Variants in GSAP observed in about 807,000 individuals in gnomAD.
The protein encoded by GSAP is gamma-secretase-activating protein.
A neutral mutation model predicts 131.7 loss-of-function variants in GSAP; 118 were observed. That is an observed-to-expected ratio of 0.90 (90% CI 0.77 to 1.04). The LOEUF (loss-of-function observed/expected upper bound fraction) is 1.04, where lower values mean the gene tolerates loss of function less well. GSAP is among the 50% of genes least tolerant of loss of function. The pLI is 0.00. For missense variants in GSAP, 1,019 were observed against 1,013.2 expected, an observed-to-expected ratio of 1.01 and a Z score of -0.08; for synonymous variants, 381 against 363.4, an observed-to-expected ratio of 1.05 and a Z score of -0.55.
At chr7:77,350,253 T>A (rs1242020639) in intron 18 of GSAP, among the ~76,000 whole-genome samples, 2 of 107,712 alleles carry the variant, frequency 1.9e-5, no homozygotes, top group African/African-American at 7.7e-5. Flanking sequence ...AAGGGGAACA[T>A]CACACTCTGG....
At chr7:77,403,534 T>C (rs1801738779) in intron 3 of GSAP, among the ~76,000 whole-genome samples, 1 of 152,148 alleles carries the variant, frequency 6.6e-6, no homozygotes, top group Non-Finnish European at 1.5e-5. Flanking sequence ...ACAAAGCCTG[T>C]CACATCAACC....
intron 19 of GSAP, among the ~76,000 whole-genome samples, chr7:77,344,234 G>A (rs1281141752): frequency 6.6e-6 from 1 of 152,076 alleles, no homozygotes. Flanking sequence ...AGTTTCTCAG[G>A]CTCTTGGTAT....
intron 19 of GSAP, among the ~76,000 whole-genome samples, chr7:77,335,512 G>C (rs1324135759): frequency 6.6e-6 from 1 of 152,050 alleles, no homozygotes; most frequent in East Asian, 1.9e-4. Context: ...TTTTCTCTTA[G>C]GATGACCTGA....
chr7:77,397,432 AT>A lies in GSAP; in HGVS notation c.244-18del. On this transcript the variant is annotated intron_variant, in intron 3 of 30. Transcript: ENST00000257626. Reference sequence around the variant, plus strand: ...ATATAGAAGCTATTAAAACAAAAATATTTTTTAATTTGAAGTTTCATACATT... The same window carrying A: ...ATATAGAAGCTATTAAAACAAAAATATTTTTAATTTGAAGTTTCATACATT... 7.3e-7 allele frequency: 1 copy of A among 1,378,238 alleles called. No individual in the cohort carries two copies. The highest frequency in any genetic ancestry group is 1.0e-6 in the Non-Finnish European group (1 of 976,830). 85.4% of individuals were successfully genotyped at this position (1,378,238 alleles called of 1,614,324 possible). A position where few individuals can be genotyped will look rare whatever the true frequency, so the allele number is the denominator to read the frequency against.
chr7:77,320,861 A>C, intron 25 of GSAP, 42 bp from the exon 26 acceptor site: 28 of 1,181,796 alleles, frequency 2.4e-5, no homozygotes, highest in Non-Finnish European at 2.9e-5. Flanking sequence ...CAAGGAGCTC[A>C]TCTGTGATGC....
intron 6 of GSAP, among the ~76,000 whole-genome samples, chr7:77,384,508 G>A (rs975594678): frequency 6.6e-6 from 1 of 151,838 alleles, no homozygotes; most frequent in African/African-American, 2.4e-5. Context: ...TATTTACTTT[G>A]AAAAATTTAT....
chr7:77,405,020 AT>A (rs1802018435), intron 2 of GSAP, among the ~76,000 whole-genome samples: 1 of 152,244 alleles, frequency 6.6e-6, no homozygotes, highest in Non-Finnish European at 1.5e-5. Flanking sequence ...TAAAATAATT[AT>A]TTTTACTTTA....
intron 6 of GSAP, 130 bp downstream of exon 6, chr7:77,387,230 G>A (rs75166804): frequency 0.027 from 13,347 of 495,398 alleles, 313 homozygotes; most frequent in Non-Finnish European, 0.032. Flanking sequence ...GATACTTCCA[G>A]CCATAGTAGT....
At chr7:77,313,237 G>C (rs779197714) in intron 28 of GSAP, among the ~76,000 whole-genome samples, 1 of 152,190 alleles carries the variant, frequency 6.6e-6, no homozygotes, top group Non-Finnish European at 1.5e-5. Context: ...TTTCCTAAGA[G>C]GCAAAAATGG....
intron 1 of GSAP, among the ~76,000 whole-genome samples, chr7:77,407,072 T>G (rs1802411316): frequency 6.6e-6 from 1 of 152,200 alleles, no homozygotes; most frequent in African/African-American, 2.4e-5. Context: ...TACAGGGCAT[T>G]GACCACACAC....
intron 3 of GSAP, 32 bp from the exon 4 acceptor site, chr7:77,397,447 G>T: frequency 8.6e-7 from 1 of 1,156,582 alleles, no homozygotes; most frequent in Non-Finnish European, 1.3e-6. Flanking sequence ...TTAATTTGAA[G>T]TTTCATACAT....
chr7:77,377,728 A>G (rs1797166523), intron 8 of GSAP, among the ~76,000 whole-genome samples: 1 of 152,220 alleles, frequency 6.6e-6, no homozygotes, highest in African/African-American at 2.4e-5. Context: ...TTCTGTACCT[A>G]ACTCTCTTAA....
Position 77,382,596 on chromosome 7 carries a change from CA to C in GSAP, c.503del (p.Leu168ArgfsTer3). 1 of 1,566,690 alleles carries C rather than the reference CA, an allele frequency of 6.4e-7. No homozygotes were observed. Among genetic ancestry groups the C allele is most frequent in the Non-Finnish European group, 8.8e-7 (1 of 1,136,980 alleles). On this transcript the variant is annotated frameshift_variant, in exon 7 of 31. Transcript: ENST00000257626. LOFTEE classifies it high-confidence loss of function. ...TACATTTCTCTTCTGAAATCAGTAA[CA>C]GATGGTTCTCTGGAAGAGGATGACT... Reference protein sequence around the residue: ...IESHPLPENHLLLISEEKYIE... With the variant: ...IESHPLPENHXLLISEEKYIE...
At chr7:77,389,487 T>C (rs1464239216) in intron 5 of GSAP, among the ~76,000 whole-genome samples, 1 of 134,752 alleles carries the variant, frequency 7.4e-6, no homozygotes, top group Non-Finnish European at 1.6e-5. Flanking sequence ...CCTATGTCCA[T>C]GTGTTCTCAT....
intron 8 of GSAP, among the ~76,000 whole-genome samples, chr7:77,380,913 C>T (rs1266535940): frequency 6.6e-6 from 1 of 152,148 alleles, no homozygotes; most frequent in South Asian, 2.1e-4. Context: ...TACTCCTGAT[C>T]TTTTTACCTG....
chr7:77,333,485 G>T (rs1789466566), intron 19 of GSAP, among the ~76,000 whole-genome samples: 1 of 152,220 alleles, frequency 6.6e-6, no homozygotes, highest in East Asian at 1.9e-4. Context: ...ATTGGCTTGG[G>T]GTATGCCTGA....
At chr7:77,362,478 C>T (rs1584492023) in intron 13 of GSAP, 105 bp downstream of exon 13, 2 of 648,836 alleles carry the variant, frequency 3.1e-6, no homozygotes, top group African/African-American at 1.9e-5. Context: ...CAAAGGGAGA[C>T]CCTGTCTCCA....
intron 12 of GSAP, among the ~76,000 whole-genome samples, chr7:77,364,320 C>G (rs572230030): frequency 6.6e-6 from 1 of 152,046 alleles, no homozygotes; most frequent in South Asian, 2.1e-4. Flanking sequence ...AGATCATAAC[C>G]TCCATTCTAG....
chr7:77,416,346 CTCTGGGGCCCCGCACCGCGGGCAT>C, exon 1 of GSAP: 2 of 1,392,534 alleles, frequency 1.4e-6, no homozygotes, highest in Non-Finnish European at 1.9e-6. Context: ...CACCGGGCGG[CTCTGGGGCCCCGCACCGCGGGCAT>C]TCCCGGCCCC....
Sources: allele counts gnomAD v4.1 joint callset (sites outside exome capture counted in the v4.1 genomes callset), GRCh38; gene constraint gnomAD v4.1.1; transcripts MANE v1.5; gene names NCBI Gene and HGNC (gene_info 2026-07-23, HGNC 2026-07-21).